The following USH2A variants were observed in gnomAD, a reference collection of about 807,000 sequenced individuals.
USH2A encodes usherin.
Under a neutral mutation model 538.9 loss-of-function variants are expected in USH2A, and 443 were observed. The ratio of observed to expected loss-of-function variants is 0.82; its 90% CI spans 0.76 to 0.89. The LOEUF (loss-of-function observed/expected upper bound fraction) is 0.89, where lower values mean the gene tolerates loss of function less well. Ranked by LOEUF, USH2A falls within the 40% of genes least tolerant of loss-of-function variation. The probability of loss-of-function intolerance (pLI) is 0.00; values close to 1 mark genes in which losing one functional copy is unlikely to be tolerated. For missense variants in USH2A, 6,633 were observed against 6,324.8 expected (o/e 1.05, Z -1.65); for synonymous variants, 2,413 against 2,273.5 (o/e 1.06, Z -1.75).
intron 67 of USH2A, among the ~76,000 whole-genome samples, chr1:215,646,322 T>C (rs1656851226): frequency 2.0e-5 from 3 of 150,384 alleles, no homozygotes; most frequent in East Asian, 1.9e-4. Context: ...CATTTTCCAC[T>C]GGACTCCATA....
intron 26 of USH2A, chr1:216,079,915 A>G (rs898123559): frequency 3.3e-5 from 5 of 152,180 alleles, no homozygotes; most frequent in Non-Finnish European, 7.4e-5. Context: ...AATGAGTTAG[A>G]TGAATTAAAA....
At chr1:216,359,309 A>T (rs1016660241) in intron 4 of USH2A, among the ~76,000 whole-genome samples, 2 of 152,070 alleles carry the variant, frequency 1.3e-5, no homozygotes, top group African/African-American at 4.8e-5. Context: ...AAAGAGTTTA[A>T]AAATAGTTAC....
chr1:216,090,048 A>T (rs1402016417), intron 22 of USH2A, among the ~76,000 whole-genome samples: 2 of 152,042 alleles, frequency 1.3e-5, no homozygotes, highest in Non-Finnish European at 2.9e-5. Flanking sequence ...AATGGGAATG[A>T]ATTTTCTTCT....
At chr1:215,917,780 C>CA (rs869080030) in intron 38 of USH2A, among the ~76,000 whole-genome samples, 1,203 of 89,582 alleles carry the variant, frequency 0.013, 46 homozygotes, top group South Asian at 0.041. Flanking sequence ...CCTATCACTA[C>CA]AAAAAAAAAA....
chr1:215,959,384 G>T (rs1176932345), intron 37 of USH2A, among the ~76,000 whole-genome samples: 1 of 151,902 alleles, frequency 6.6e-6, no homozygotes, highest in Non-Finnish European at 1.5e-5. Context: ...TTTAAAAATT[G>T]TTCTTTCTAT....
At chr1:215,788,129 T>C (rs1325004856) in intron 51 of USH2A, among the ~76,000 whole-genome samples, 1 of 152,090 alleles carries the variant, frequency 6.6e-6, no homozygotes, top group Non-Finnish European at 1.5e-5. Context: ...GTTTACGTGT[T>C]GAAAGTCTAA....
intron 47 of USH2A, among the ~76,000 whole-genome samples, chr1:215,818,956 T>C (rs12043203): frequency 0.39 from 59,420 of 151,510 alleles, 12,050 homozygotes; most frequent in Admixed American, 0.52. Flanking sequence ...ACAAGGTAAA[T>C]ATAAAAATTA....
intron 3 of USH2A, among the ~76,000 whole-genome samples, chr1:216,368,586 A>G (rs2102713632): frequency 6.6e-6 from 1 of 152,334 alleles, no homozygotes; most frequent in African/African-American, 2.4e-5. Context: ...CCTATGAGCT[A>G]CACCAACAAG....
chr1:216,097,310 G>A (rs2032464238), intron 21 of USH2A, 97 bp from the exon 22 acceptor site: 1 of 1,596,456 alleles, frequency 6.3e-7, no homozygotes, highest in South Asian at 1.1e-5. Flanking sequence ...ATGATGTAGT[G>A]AGTACAGTCA....
At chr1:215,626,327 A>G (rs1010528562) in intron 71 of USH2A, among the ~76,000 whole-genome samples, 7 of 150,406 alleles carry the variant, frequency 4.7e-5, no homozygotes, top group Middle Eastern at 7.1e-3. Context: ...GTATGTATGT[A>G]TGTATATAGT....
rs550675756 is a variant in USH2A, at chr1:216,349,722, C to A, written c.784+15231G>T. 2.0e-5 allele frequency among the ~76,000 whole-genome samples: 3 copies of A among 152,246 alleles called. No homozygotes were observed. In the East Asian group the frequency reaches 5.8e-4, roughly 30 times the overall value. ...AGGGAAAACTAACAAACAACCCACC[C>A]CTTATTCAGCATATAATCAAGAAAA... On this transcript the variant is annotated intron_variant, in intron 4 of 71. Transcript: ENST00000307340.
chr1:216,013,691 A>C (rs1668632901), intron 32 of USH2A, among the ~76,000 whole-genome samples: 1 of 146,716 alleles, frequency 6.8e-6, no homozygotes, highest in South Asian at 2.2e-4. Flanking sequence ...CCTCCAGAGA[A>C]CAACCCCCCT....
intron 43 of USH2A, among the ~76,000 whole-genome samples, chr1:215,869,619 A>C (rs1342833402): frequency 3.3e-5 from 5 of 152,326 alleles, no homozygotes; most frequent in African/African-American, 1.2e-4. Context: ...AATACTTATA[A>C]TTATATTTTA....
intron 43 of USH2A, among the ~76,000 whole-genome samples, chr1:215,873,347 T>C (rs1337217591): frequency 6.6e-6 from 1 of 152,182 alleles, no homozygotes; most frequent in East Asian, 1.9e-4. Context: ...AAGCTTTCCT[T>C]TCACTTGCCC....
At chr1:216,216,825 A>G (rs1466489047) in intron 15 of USH2A, among the ~76,000 whole-genome samples, 1 of 152,108 alleles carries the variant, frequency 6.6e-6, no homozygotes, top group Non-Finnish European at 1.5e-5. Context: ...AATGAGTGAA[A>G]CTTAAAGTAG....
At chr1:215,725,507 T>C (rs2797215) in intron 61 of USH2A, among the ~76,000 whole-genome samples, 22,987 of 152,140 alleles carry the variant, frequency 0.15, 1,879 homozygotes, top group African/African-American at 0.16. Flanking sequence ...GATTGCTTTG[T>C]GGAAGATGTC....
intron 16 of USH2A, among the ~76,000 whole-genome samples, chr1:216,207,042 T>C (rs929090126): frequency 6.6e-6 from 1 of 152,040 alleles, no homozygotes; most frequent in Middle Eastern, 3.4e-3. Context: ...ATGGGGTCAT[T>C]TTTTTTTCAT....
At chr1:215,855,444 G>T (rs1664138125) in intron 44 of USH2A, among the ~76,000 whole-genome samples, 1 of 152,078 alleles carries the variant, frequency 6.6e-6, no homozygotes, top group Non-Finnish European at 1.5e-5. Flanking sequence ...ACCTAACCAA[G>T]GAGGTGAAAG....
rs1042017235 is a variant in USH2A, at chr1:215,701,390, G to A, written c.12067-21014C>T. Among the ~76,000 whole-genome samples the A allele has an allele frequency of 3.9e-5, 6 of 152,208 alleles. No individual in the cohort carries two copies. In the South Asian group the frequency reaches 6.2e-4, roughly 16 times the overall value. On this transcript the variant is annotated intron_variant, in intron 61 of 71. Coordinates refer to ENST00000307340, the MANE Select transcript of USH2A (RefSeq NM_206933.4). ...AATATCCATGTTAATTTTCTGTCTC[G>A]TTGATCTGTCTAATATTGACAGTGG...
Sources: allele counts gnomAD v4.1 joint callset (sites outside exome capture counted in the v4.1 genomes callset), GRCh38; gene constraint gnomAD v4.1.1; transcripts MANE v1.5; gene names NCBI Gene and HGNC (gene_info 2026-07-23, HGNC 2026-07-21).